The following COLEC12 variants were observed in gnomAD, a reference collection of about 807,000 sequenced individuals.
COLEC12 encodes collectin subfamily member 12, also known as collectin-12.
Under a neutral mutation model 71.1 loss-of-function variants are expected in COLEC12, and 33 were observed. The observed-to-expected ratio is 0.46, with a 90% CI of 0.35 to 0.62. The LOEUF (loss-of-function observed/expected upper bound fraction) is 0.62. COLEC12 is among the 20% of genes least tolerant of loss of function. The pLI is 0.00. For missense variants in COLEC12, 765 were observed against 916.1 expected (o/e 0.84, Z 2.13); for synonymous variants, 350 against 353.0 (o/e 0.99, Z 0.10).
intron 5 of COLEC12, among the ~76,000 whole-genome samples, chr18:341,422 T>C (rs909972242): frequency 1.3e-5 from 2 of 152,218 alleles, no homozygotes; most frequent in Non-Finnish European, 2.9e-5. Context: ...TGGCATAGCA[T>C]AGACACCCCA....
At chr18:387,264 T>A (rs771941283) in intron 2 of COLEC12, among the ~76,000 whole-genome samples, 1 of 152,196 alleles carries the variant, frequency 6.6e-6, no homozygotes, top group Non-Finnish European at 1.5e-5. Context: ...TTTTAAAGTG[T>A]CTTTTGCATC....
chr18:372,327 A>C (rs1315482438), intron 2 of COLEC12, among the ~76,000 whole-genome samples: 3 of 152,256 alleles, frequency 2.0e-5, no homozygotes, highest in Non-Finnish European at 4.4e-5. Context: ...CAAAGCTGGG[A>C]GCAGGCAATC....
At chr18:436,944 T>C (rs1916419294) in intron 2 of COLEC12, among the ~76,000 whole-genome samples, 1 of 152,218 alleles carries the variant, frequency 6.6e-6, no homozygotes, top group South Asian at 2.1e-4. Flanking sequence ...AAACGATGAG[T>C]AGCACAATAC....
At chr18:385,571 T>C (rs8093646) in intron 2 of COLEC12, among the ~76,000 whole-genome samples, 81,740 of 151,950 alleles carry the variant, frequency 0.54, 22,276 homozygotes, top group Non-Finnish European at 0.55. Flanking sequence ...GATCCACCCA[T>C]CTTGGCCTCC....
At chr18:459,072 C>T (rs1567914110) in intron 2 of COLEC12, among the ~76,000 whole-genome samples, 2 of 152,134 alleles carry the variant, frequency 1.3e-5, no homozygotes, top group Non-Finnish European at 2.9e-5. Flanking sequence ...AGGCTGGTCT[C>T]GAACTCCTGG....
At chr18:349,238 G>A (rs1455631612) in intron 3 of COLEC12, among the ~76,000 whole-genome samples, 1 of 152,206 alleles carries the variant, frequency 6.6e-6, no homozygotes. Flanking sequence ...TTGGTGCCCT[G>A]CTTCCCAGCC....
rs7244310 is a variant in COLEC12, at chr18:384,797, G to T, written c.59-27275C>A. On this transcript the variant is annotated intron_variant, in intron 2 of 9. Coordinates refer to ENST00000400256, the MANE Select transcript of COLEC12 (RefSeq NM_130386.3). ...TGGACTAATTACCAACTTTGCAGAA[G>T]GAATAAAAACATTTTGTTGAACTCA... Among the ~76,000 whole-genome samples, 1,286 of 152,248 alleles carry T rather than the reference G, an allele frequency of 8.4e-3. 18 individuals are homozygous for T. The highest frequency in any genetic ancestry group is 0.027 in the African/African-American group (1,135 of 41,532).
chr18:375,476 C>A (rs2033444677), intron 2 of COLEC12, among the ~76,000 whole-genome samples: 1 of 152,284 alleles, frequency 6.6e-6, no homozygotes, highest in African/African-American at 2.4e-5. Context: ...CTCCATCTCC[C>A]TTTCTTGTTT....
chr18:323,994 C>G (rs1206466168), intron 8 of COLEC12, among the ~76,000 whole-genome samples: 1 of 152,120 alleles, frequency 6.6e-6, no homozygotes, highest in Non-Finnish European at 1.5e-5. Flanking sequence ...TCTTCACATA[C>G]AGTACTCAAG....
intron 8 of COLEC12, among the ~76,000 whole-genome samples, chr18:326,593 C>T (rs747148549): frequency 3.3e-4 from 50 of 152,220 alleles, no homozygotes; most frequent in Non-Finnish European, 6.5e-4. Flanking sequence ...AGGTGATCCA[C>T]CTGCCTTGGC....
chr18:374,004 CA>C (rs1915059095), intron 2 of COLEC12, among the ~76,000 whole-genome samples: 1 of 152,200 alleles, frequency 6.6e-6, no homozygotes, highest in Non-Finnish European at 1.5e-5. Context: ...AAGGGGCTTC[CA>C]AACACCTAAG....
chr18:497,568 A>C (rs7230127), intron 1 of COLEC12, among the ~76,000 whole-genome samples: 99,536 of 152,034 alleles, frequency 0.65, 33,535 homozygotes, highest in African/African-American at 0.82. Context: ...CCAGGCCCAG[A>C]TAATTTTTGT....
At position 401,947 on chromosome 18, in the gene COLEC12, TC is replaced by T. The variant is rs1299574173; in HGVS notation, c.59-44426del. ...TTGACATGTGGGTCCAACAAGGGCC[TC>T]CACTTTAAGACAGCAGAAAACGTGA... On this transcript the variant is annotated intron_variant, in intron 2 of 9. Transcript: ENST00000400256. Among the ~76,000 whole-genome samples the T allele has an allele frequency of 2.6e-5, 4 of 152,120 alleles. No homozygotes were observed. The East Asian group carries it at 7.7e-4, about 29-fold the overall frequency.
At position 500,596 on chromosome 18, in the gene COLEC12, C is replaced by T. The variant is rs1246490574; in HGVS notation, c.-82G>A. ...GAGGAAGTCGTCCCGAGCGGCTGCT[C>T]ACCGCACGCCCATGGTAGCCGCGCC... On this transcript the variant is annotated 5_prime_UTR_variant, in exon 1 of 10. The change abolishes the stop of an existing upstream ORF in the 5' untranslated region. Transcript: ENST00000400256. The surrounding 1 kb of genome is among the most constrained non-coding windows in gnomAD (Gnocchi z 5.3). 3 of 1,128,320 alleles carry T rather than the reference C, an allele frequency of 2.7e-6. No individual in the cohort carries two copies. Among genetic ancestry groups the T allele is most frequent in the Non-Finnish European group, 2.2e-6 (2 of 903,184 alleles). The allele number at this position is 1,128,320 out of a possible 1,614,324, so 69.9% of individuals were successfully genotyped here. A position where few individuals can be genotyped will look rare whatever the true frequency, so the allele number is the denominator to read the frequency against.
intron 1 of COLEC12, among the ~76,000 whole-genome samples, chr18:483,987 T>G (rs746324947): frequency 6.6e-5 from 10 of 152,188 alleles, no homozygotes; most frequent in Non-Finnish European, 1.5e-4. Context: ...ACTTAGGCAC[T>G]GTGGGCCACA....
chr18:466,723 T>C (rs1917096498), intron 2 of COLEC12, among the ~76,000 whole-genome samples: 1 of 152,210 alleles, frequency 6.6e-6, no homozygotes, highest in Admixed American at 6.5e-5. Context: ...ACCATCTCTG[T>C]CCTCATTCAA....
chr18:373,363 C>A (rs1317759981), intron 2 of COLEC12, among the ~76,000 whole-genome samples: 1 of 152,132 alleles, frequency 6.6e-6, no homozygotes, highest in Non-Finnish European at 1.5e-5. Flanking sequence ...AAGGAGCAGA[C>A]CTCTCCCGTC....
intron 2 of COLEC12, among the ~76,000 whole-genome samples, chr18:373,735 C>G (rs1450607315): frequency 2.0e-5 from 3 of 152,098 alleles, no homozygotes; most frequent in African/African-American, 7.2e-5. Context: ...CCCACCTCCC[C>G]CCAAGAATTC....
At chr18:411,170 G>C (rs1915887532) in intron 2 of COLEC12, among the ~76,000 whole-genome samples, 1 of 152,168 alleles carries the variant, frequency 6.6e-6, no homozygotes, top group African/African-American at 2.4e-5. Flanking sequence ...GTAGAAACCT[G>C]GACTTCTGCA....
Sources: allele counts gnomAD v4.1 joint callset (sites outside exome capture counted in the v4.1 genomes callset), GRCh38; gene constraint gnomAD v4.1.1; non-coding constraint Gnocchi (gnomAD v3.1); transcripts MANE v1.5; gene names NCBI Gene and HGNC (gene_info 2026-07-23, HGNC 2026-07-21).